Variants in FABP12 observed in about 807,000 individuals in gnomAD.
FABP12 encodes fatty acid-binding protein 12.
In FABP12, 19 loss-of-function variants were observed where a neutral mutation model predicts 13.7. The observed-to-expected ratio is 1.39, with a 90% CI of 0.97 to 2.04. FABP12 has a LOEUF of 2.04. Among genes scored for constraint, FABP12 ranks in the 30% most tolerant of loss-of-function variants. FABP12 has a pLI of 0.00. For missense variants in FABP12, 182 were observed against 164.2 expected, an observed-to-expected ratio of 1.11 and a Z score of -0.59; for synonymous variants, 61 against 57.0, an observed-to-expected ratio of 1.07 and a Z score of -0.32.
At chr8:81,530,234 T>C (rs1241775966) in intron 2 of FABP12, among the ~76,000 whole-genome samples, 1 of 152,192 alleles carries the variant, frequency 6.6e-6, no homozygotes. Context: ...TCAACTTGCT[T>C]TTTCCCCTTA....
chr8:81,530,327 C>T (rs192644665), intron 2 of FABP12, among the ~76,000 whole-genome samples: 2 of 152,160 alleles, frequency 1.3e-5, no homozygotes, highest in East Asian at 3.9e-4. Context: ...TTTCATAGTA[C>T]ATAATATTCC....
intron 1 of FABP12, among the ~76,000 whole-genome samples, chr8:81,560,218 A>T (rs982087082): frequency 1.3e-5 from 2 of 152,234 alleles, no homozygotes; most frequent in Non-Finnish European, 2.9e-5. Context: ...ATAACCAGAC[A>T]TAATTGGCCC....
chr8:81,588,268 G>T (rs913351561), intron 1 of FABP12, among the ~76,000 whole-genome samples: 5 of 152,300 alleles, frequency 3.3e-5, no homozygotes, highest in Non-Finnish European at 7.4e-5. Flanking sequence ...AGACTGTGGG[G>T]TTTTCTAGAT....
chr8:81,549,943 T>C (rs766475232), intron 1 of FABP12, among the ~76,000 whole-genome samples: 5 of 152,216 alleles, frequency 3.3e-5, no homozygotes, highest in African/African-American at 4.8e-5. Flanking sequence ...CTGCTGAATA[T>C]GAATTTGCTT....
At chr8:81,532,015 G>A (rs147684587) in intron 1 of FABP12, among the ~76,000 whole-genome samples, 52 of 151,948 alleles carry the variant, frequency 3.4e-4, no homozygotes, top group Non-Finnish European at 6.2e-4. Context: ...ACTTCCCAAC[G>A]GTTTAGAGAG....
chr8:81,535,044 C>G (rs1032468633), upstream of FABP12, among the ~76,000 whole-genome samples: 4 of 152,204 alleles, frequency 2.6e-5, no homozygotes, highest in African/African-American at 9.7e-5. Flanking sequence ...GAAATGTGGT[C>G]TGACTGAACA....
At chr8:81,575,156 T>G (rs1810014706) in intron 1 of FABP12, among the ~76,000 whole-genome samples, 1 of 152,192 alleles carries the variant, frequency 6.6e-6, no homozygotes, top group Admixed American at 6.5e-5. Flanking sequence ...GTTGTGTCAT[T>G]ATTGTCATTC....
At chr8:81,551,799 G>A (rs968589367) in intron 1 of FABP12, among the ~76,000 whole-genome samples, 1 of 152,106 alleles carries the variant, frequency 6.6e-6, no homozygotes, top group African/African-American at 2.4e-5. Flanking sequence ...TGGACCCCTA[G>A]TGACTTCAAT....
At chr8:81,552,661 T>A (rs1342591481) in intron 1 of FABP12, among the ~76,000 whole-genome samples, 1 of 152,196 alleles carries the variant, frequency 6.6e-6, no homozygotes, top group Non-Finnish European at 1.5e-5. Context: ...CAATGCTTCA[T>A]TTAAATTCCA....
rs956844769 is a variant in FABP12 at position 81,555,861 on chromosome 8, A to G, written c.-184-16118T>C. Among the ~76,000 whole-genome samples the G allele has an allele frequency of 9.9e-5, 15 of 152,222 alleles. 1 individual carries two copies. The highest frequency in any genetic ancestry group is 9.2e-4 in the Admixed American group (14 of 15,286). On this transcript the variant is annotated intron_variant, in intron 1 of 5. Coordinates refer to the FABP12 transcript ENST00000692030. ...GAAGAAGGTTAACTCAAGAGTGACC[A>G]AAGACTTTAGATGTTCTAGTATTTT...
intron 1 of FABP12, among the ~76,000 whole-genome samples, chr8:81,545,320 G>A (rs1809419500): frequency 6.6e-6 from 1 of 152,190 alleles, no homozygotes; most frequent in African/African-American, 2.4e-5. Context: ...TGGGAAACAA[G>A]GGGATTTTTT....
chr8:81,549,130 G>T (rs1487909661), intron 1 of FABP12, among the ~76,000 whole-genome samples: 2 of 151,986 alleles, frequency 1.3e-5, no homozygotes, highest in African/African-American at 4.8e-5. Context: ...TCCAGTGCCA[G>T]CTTCACCTGA....
chr8:81,557,486 C>T (rs568574856), intron 1 of FABP12, among the ~76,000 whole-genome samples: 2 of 152,068 alleles, frequency 1.3e-5, no homozygotes, highest in Admixed American at 6.6e-5. Context: ...GTCAAATTTT[C>T]GAGGATTTTC....
At chr8:81,546,875 C>T (rs1042698511) in intron 1 of FABP12, among the ~76,000 whole-genome samples, 1 of 152,096 alleles carries the variant, frequency 6.6e-6, no homozygotes, top group Non-Finnish European at 1.5e-5. Context: ...TCTTCACACG[C>T]CCACCTCAAG....
intron 1 of FABP12, among the ~76,000 whole-genome samples, chr8:81,549,372 G>C (rs1292807728): frequency 6.6e-6 from 1 of 152,084 alleles, no homozygotes; most frequent in Non-Finnish European, 1.5e-5. Flanking sequence ...AAAGAGCTTG[G>C]TCTTTATCTG....
chr8:81,531,794 C>A (rs1021671043), intron 1 of FABP12, among the ~76,000 whole-genome samples: 1 of 152,008 alleles, frequency 6.6e-6, no homozygotes, highest in Non-Finnish European at 1.5e-5. Flanking sequence ...CAACTAAACA[C>A]CAGACAGACT....
chr8:81,566,458 G>T (rs1809822278), intron 1 of FABP12, among the ~76,000 whole-genome samples: 1 of 151,994 alleles, frequency 6.6e-6, no homozygotes, highest in Admixed American at 6.5e-5. Flanking sequence ...ACATTAAAAA[G>T]ATCATTCATC....
At chr8:81,571,693 G>A (rs1269349098) in intron 1 of FABP12, among the ~76,000 whole-genome samples, 1 of 152,186 alleles carries the variant, frequency 6.6e-6, no homozygotes, top group Non-Finnish European at 1.5e-5. Context: ...CATCATCAAT[G>A]TTTTCCTGTG....
chr8:81,553,757 A>G (rs1207116850), intron 1 of FABP12, among the ~76,000 whole-genome samples: 1 of 152,180 alleles, frequency 6.6e-6, no homozygotes, highest in African/African-American at 2.4e-5. Flanking sequence ...GAAGGCAAAG[A>G]CCATGTTACT....
Sources: allele counts gnomAD v4.1 joint callset (sites outside exome capture counted in the v4.1 genomes callset), GRCh38; gene constraint gnomAD v4.1.1; transcripts MANE v1.5; gene names NCBI Gene and HGNC (gene_info 2026-07-23, HGNC 2026-07-21).